PRKN: variants seen among roughly 807,000 people sequenced by gnomAD.
The protein encoded by PRKN is E3 ubiquitin-protein ligase parkin.
PRKN carries 56 observed loss-of-function variants against 59.5 expected under a neutral mutation model. The ratio of observed to expected loss-of-function variants is 0.94; its 90% CI spans 0.76 to 1.18. PRKN has a LOEUF of 1.18. PRKN is among the 50% of genes most tolerant of loss of function. The probability of loss-of-function intolerance (pLI) is 0.00; values close to 1 mark genes in which losing one functional copy is unlikely to be tolerated. For missense variants in PRKN, 657 were observed against 596.4 expected, an observed-to-expected ratio of 1.10 and a Z score of -1.06; for synonymous variants, 250 against 222.1, an observed-to-expected ratio of 1.13 and a Z score of -1.12.
chr6:161,932,701 T>A (rs925894809), intron 6 of PRKN, among the ~76,000 whole-genome samples: 2 of 152,240 alleles, frequency 1.3e-5, no homozygotes, highest in Non-Finnish European at 2.9e-5. Flanking sequence ...CTAGAATGCT[T>A]ATGTACAACA....
chr6:161,787,331 G>A (rs2128207031), intron 6 of PRKN, among the ~76,000 whole-genome samples: 1 of 152,248 alleles, frequency 6.6e-6, no homozygotes, highest in East Asian at 1.9e-4. Flanking sequence ...CTTAATCTGA[G>A]CAAGGGCGCA....
intron 1 of PRKN, among the ~76,000 whole-genome samples, chr6:162,562,276 C>T (rs150845030): frequency 2.0e-4 from 31 of 152,272 alleles, no homozygotes; most frequent in Non-Finnish European, 4.6e-4. Flanking sequence ...GCCCTTGGGT[C>T]ACGAATAACC....
chr6:162,174,601 A>G (rs556810863), intron 4 of PRKN, among the ~76,000 whole-genome samples: 1 of 152,204 alleles, frequency 6.6e-6, no homozygotes, highest in Non-Finnish European at 1.5e-5. Context: ...AATTTATATA[A>G]TCATTTATCC....
intron 1 of PRKN, among the ~76,000 whole-genome samples, chr6:162,687,882 T>C (rs1364029869): frequency 6.6e-6 from 1 of 152,162 alleles, no homozygotes; most frequent in Non-Finnish European, 1.5e-5. Flanking sequence ...CAAGTAACTA[T>C]GAATATTAAG....
In PRKN at chr6:162,727,553, C is replaced by G. The variant is rs1469847310; in HGVS notation, c.7+109G>C. ...GGGGACGGCACGGGCACTTTGGCCC[C>G]GTCATTGACAGTTGGCACCGGGGGT... On this transcript the variant is annotated intron_variant, in intron 1 of 11. Coordinates refer to ENST00000366898, the MANE Select transcript of PRKN (RefSeq NM_004562.3). The G allele has an allele frequency of 4.1e-6, 5 of 1,228,008 alleles. No homozygotes were observed. The African/African-American group carries it at 6.1e-5, about 15-fold the overall frequency. 76.1% of individuals were successfully genotyped at this position (1,228,008 alleles called of 1,614,324 possible).
chr6:162,440,703 G>A (rs1790010426), intron 2 of PRKN, among the ~76,000 whole-genome samples: 1 of 152,022 alleles, frequency 6.6e-6, no homozygotes, highest in Admixed American at 6.6e-5. Flanking sequence ...GGACACCAAG[G>A]TGTATATTTA....
intron 1 of PRKN, among the ~76,000 whole-genome samples, chr6:162,466,782 CTT>C (rs998187127): frequency 6.6e-6 from 1 of 151,590 alleles, no homozygotes; most frequent in Non-Finnish European, 1.5e-5. Context: ...CCACTATGCT[CTT>C]TGTTTTCCTT....
In PRKN at chr6:162,056,975, T is replaced by C. The variant is rs1022979650; in HGVS notation, c.535-2801A>G. 6.6e-6 allele frequency among the ~76,000 whole-genome samples: 1 copy of C among 152,108 alleles called. No individual in the cohort carries two copies. Among genetic ancestry groups the C allele is most frequent in the East Asian group, 1.9e-4 (1 of 5,178 alleles). On this transcript the variant is annotated intron_variant, in intron 4 of 11. Transcript: ENST00000366898. The surrounding 1 kb of genome is among the most constrained non-coding windows in gnomAD (Gnocchi z 4.9). The stretch of plus-strand genomic sequence containing the variant: ...CCCTGGGCCTTTTCCCCTCGCTTCA[T>C]ATCCTTTTGTTGTAGTGAATCTTAG...
rs1461414852 is a variant in PRKN at position 161,575,652 on chromosome 6, A to C, written c.872-6236T>G. ...GTTCAATGGAAAATCGTGAGCACCC[A>C]GGCTTGGGATAGAAATGGAAATGGA... On this transcript the variant is annotated intron_variant, in intron 7 of 11. Coordinates refer to ENST00000366898, the MANE Select transcript of PRKN (RefSeq NM_004562.3). The surrounding 1 kb of genome is among the most constrained non-coding windows in gnomAD (Gnocchi z 4.6). 6.6e-6 allele frequency among the ~76,000 whole-genome samples: 1 copy of C among 152,202 alleles called. No individual in the cohort carries two copies. The highest frequency in any genetic ancestry group is 2.4e-5 in the African/African-American group (1 of 41,448).
intron 2 of PRKN, among the ~76,000 whole-genome samples, chr6:162,328,169 G>A (rs9456767): frequency 0.034 from 5,236 of 152,212 alleles, 313 homozygotes; most frequent in African/African-American, 0.12. Flanking sequence ...GACCATCCTG[G>A]CCAACATGGT....
At chr6:162,063,755 G>A (rs375274926) in intron 4 of PRKN, among the ~76,000 whole-genome samples, 109 of 152,290 alleles carry the variant, frequency 7.2e-4, no homozygotes, top group African/African-American at 2.5e-3. Context: ...ATGTTGGCCA[G>A]GCTGGTCTGC....
rs565135999 is a variant in PRKN at position 161,369,667 on chromosome 6, G to C, written c.1168-9462C>G. Among the ~76,000 whole-genome samples the C allele has an allele frequency of 1.3e-3, 192 of 152,168 alleles. No homozygotes were observed. The highest frequency in any genetic ancestry group is 1.3e-3 in the Non-Finnish European group (86 of 68,018). ...GAATTGCATGCATGCATGTGTGTACGCACGCGTGGTGGAGGTGGGGGTGGA... is the reference window on the plus strand; with the variant it reads ...GAATTGCATGCATGCATGTGTGTACCCACGCGTGGTGGAGGTGGGGGTGGA... On this transcript the variant is annotated intron_variant, in intron 10 of 11. Coordinates refer to ENST00000366898, the MANE Select transcript of PRKN (RefSeq NM_004562.3). This position sits in a 1 kb window ranked among gnomAD's most constrained non-coding sequence, Gnocchi z 5.8.
At chr6:162,491,954 T>C (rs182580473) in intron 1 of PRKN, among the ~76,000 whole-genome samples, 9 of 152,350 alleles carry the variant, frequency 5.9e-5, no homozygotes, top group Non-Finnish European at 1.0e-4. Context: ...ATACCTGGAC[T>C]GAGTACCTCG....
At chr6:161,790,435 T>G (rs1790592822) in intron 6 of PRKN, among the ~76,000 whole-genome samples, 1 of 152,190 alleles carries the variant, frequency 6.6e-6, no homozygotes, top group Non-Finnish European at 1.5e-5. Context: ...AGGTTTCTGC[T>G]ATGGTCTGAA....
chr6:162,118,836 A>G (rs1037418156), intron 4 of PRKN, among the ~76,000 whole-genome samples: 2 of 152,222 alleles, frequency 1.3e-5, no homozygotes, highest in East Asian at 3.8e-4. Flanking sequence ...CTGGCCTTTG[A>G]ACACGAAGAT....
intron 3 of PRKN, among the ~76,000 whole-genome samples, chr6:162,257,427 T>C (rs907578536): frequency 1.3e-5 from 2 of 152,198 alleles, no homozygotes; most frequent in African/African-American, 4.8e-5. Flanking sequence ...TTTAAGACTA[T>C]ATCTACTTTC....
chr6:162,219,030 TAATA>T (rs1490807772), intron 3 of PRKN, among the ~76,000 whole-genome samples: 2 of 151,676 alleles, frequency 1.3e-5, no homozygotes, highest in Non-Finnish European at 2.9e-5. Flanking sequence ...AAATAAAAAT[TAATA>T]AATAAATTAG....
chr6:161,868,979 G>C (rs1296289649), intron 6 of PRKN, among the ~76,000 whole-genome samples: 2 of 152,068 alleles, frequency 1.3e-5, no homozygotes, highest in African/African-American at 4.8e-5. Flanking sequence ...CCCTATAAAT[G>C]GCATAATAAA....
chr6:162,556,374 T>TGCGTGTGC (rs1181024313), intron 1 of PRKN, among the ~76,000 whole-genome samples: 1 of 124,162 alleles, frequency 8.1e-6, no homozygotes, highest in African/African-American at 2.8e-5. Flanking sequence ...TGTGTGTGTG[T>TGCGTGTGC]GTGTGTGTGT....
Sources: gnomAD v4.1 joint callset for allele counts (sites outside exome capture counted in the v4.1 genomes callset) on GRCh38, gnomAD v4.1.1 for gene constraint, Gnocchi (gnomAD v3.1) non-coding constraint, MANE v1.5 for transcripts, NCBI Gene and HGNC (gene_info 2026-07-23, HGNC 2026-07-21) for gene names.